COL19A1: variants seen among roughly 807,000 people sequenced by gnomAD.
COL19A1 encodes the protein collagen alpha-1(XIX) chain.
A neutral mutation model predicts 190.2 loss-of-function variants in COL19A1; 159 were observed. The observed-to-expected ratio is 0.84, with a 90% CI of 0.73 to 0.95. The LOEUF (loss-of-function observed/expected upper bound fraction) is 0.95. Ranked by LOEUF, COL19A1 falls within the 40% of genes least tolerant of loss-of-function variation. COL19A1 has a pLI of 0.00. For missense variants in COL19A1, 1,418 were observed against 1,431.9 expected (o/e 0.99, Z 0.16); for synonymous variants, 509 against 458.9 (o/e 1.11, Z -1.39).
chr6:69,920,867 A>G (rs1246039339), intron 4 of COL19A1, among the ~76,000 whole-genome samples: 1 of 148,236 alleles, frequency 6.7e-6, no homozygotes, highest in Non-Finnish European at 1.5e-5. Flanking sequence ...GAGGGAAGGC[A>G]GGAAACATCC....
chr6:69,916,879 G>A (rs1192055126), intron 4 of COL19A1, among the ~76,000 whole-genome samples: 1 of 152,176 alleles, frequency 6.6e-6, no homozygotes, highest in Non-Finnish European at 1.5e-5. Context: ...TACATTGGAA[G>A]AAACTAACCT....
At chr6:69,977,975 A>G (rs1000715855) in intron 11 of COL19A1, among the ~76,000 whole-genome samples, 1 of 152,186 alleles carries the variant, frequency 6.6e-6, no homozygotes, top group Non-Finnish European at 1.5e-5. Context: ...AAATTTCAAT[A>G]ATTTACTAGC....
chr6:69,948,272 A>G (rs897090463), intron 9 of COL19A1, among the ~76,000 whole-genome samples: 1 of 151,884 alleles, frequency 6.6e-6, no homozygotes, highest in Admixed American at 6.6e-5. Context: ...TTATTGTGGG[A>G]TGTAACGTGA....
rs781478654 is a variant in COL19A1 at position 70,068,429 on chromosome 6, C to T, written c.1177C>T (p.Leu393=). ...TGTCTCTTTTTCCTCATAGGGTTCC[C>T]TGGGGATACAAGGCCCCCAAGGTCC... is the stretch of plus-strand genomic sequence containing the variant. ...PPGPPALPGS[L]GIQGPQGPPG... Residue 393 remains leucine (L), a synonymous_variant, in exon 15 of 51, where the codon CTG becomes TTG. Coordinates refer to ENST00000620364, the MANE Select transcript of COL19A1 (RefSeq NM_001858.6). 6.3e-6 allele frequency: 10 copies of T among 1,595,140 alleles called. No homozygotes were observed. Among genetic ancestry groups the T allele is most frequent in the African/African-American group, 1.3e-5 (1 of 74,374 alleles).
At chr6:69,934,106 A>ATAGCTTAAAGCATAGCTTTAG in intron 7 of COL19A1, among the ~76,000 whole-genome samples, 1 of 152,024 alleles carries the variant, frequency 6.6e-6, no homozygotes, top group African/African-American at 2.4e-5. Flanking sequence ...TGACCAAAGC[A>ATAGCTTAAAGCATAGCTTTAG]TAGCTTAAAG....
At chr6:70,116,862 T>C (rs1461549387) in intron 16 of COL19A1, among the ~76,000 whole-genome samples, 1 of 152,196 alleles carries the variant, frequency 6.6e-6, no homozygotes, top group Admixed American at 6.5e-5. Context: ...TCAAAGATTG[T>C]TCTTGAATTT....
chr6:70,133,659 C>T (rs1785657873), intron 18 of COL19A1, among the ~76,000 whole-genome samples: 2 of 152,198 alleles, frequency 1.3e-5, no homozygotes, highest in South Asian at 4.1e-4. Flanking sequence ...GTCACTACAG[C>T]ACCAAGCTAA....
rs182684001 is a variant in COL19A1, at chr6:69,974,906, G to A, written c.1026+12036G>A. Among the ~76,000 whole-genome samples, 1,215 of 139,248 alleles carry A rather than the reference G, an allele frequency of 8.7e-3. 14 individuals are homozygous for A. Among genetic ancestry groups the A allele is most frequent in the African/African-American group, 0.031 (1,126 of 36,790 alleles). The allele number at this position is 139,248 out of a possible 152,430, so 91.4% of individuals were successfully genotyped here. A position where few individuals can be genotyped will look rare whatever the true frequency, so the allele number is the denominator to read the frequency against. Reference sequence around the variant, plus strand: ...AGGCTCACTGCAAGCTCCACCTCCCGAGTTCGCGCCATTTTCCTGCCTCAG... The same window carrying A: ...AGGCTCACTGCAAGCTCCACCTCCCAAGTTCGCGCCATTTTCCTGCCTCAG... On this transcript the variant is annotated intron_variant, in intron 11 of 50. Coordinates refer to ENST00000620364, the MANE Select transcript of COL19A1 (RefSeq NM_001858.6).
intron 4 of COL19A1, among the ~76,000 whole-genome samples, chr6:69,906,957 C>T (rs924092870): frequency 7.2e-5 from 11 of 151,962 alleles, no homozygotes; most frequent in Admixed American, 7.2e-4. Flanking sequence ...TTTAACAGTT[C>T]CCTTGAAAAT....
intron 2 of COL19A1, among the ~76,000 whole-genome samples, chr6:69,883,559 A>G (rs920800675): frequency 3.3e-5 from 5 of 152,256 alleles, no homozygotes; most frequent in African/African-American, 9.6e-5. Flanking sequence ...AAGTTAAAAT[A>G]TAAGTTATAA....
chr6:69,892,325 G>C (rs1388482166), intron 2 of COL19A1, among the ~76,000 whole-genome samples: 2 of 152,074 alleles, frequency 1.3e-5, no homozygotes, highest in Non-Finnish European at 2.9e-5. Context: ...GAACAAGCAG[G>C]GTTAGCCTAA....
intron 12 of COL19A1, 119 bp from the exon 13 acceptor site, chr6:70,034,126 A>G: frequency 1.4e-6 from 1 of 732,978 alleles, no homozygotes; most frequent in Admixed American, 2.1e-5. Context: ...TTCTCTCTAT[A>G]CTACAAAAGG....
At chr6:70,137,832 G>A (rs1391931808) in intron 19 of COL19A1, 85 bp downstream of exon 19, 10 of 1,322,972 alleles carry the variant, frequency 7.6e-6, no homozygotes, top group Non-Finnish European at 8.6e-6. Flanking sequence ...CCAATTCCAC[G>A]TGCCTTGGTT....
chr6:70,192,045 T>C (rs1241040301), intron 48 of COL19A1, among the ~76,000 whole-genome samples: 1 of 137,394 alleles, frequency 7.3e-6, no homozygotes. Context: ...AAAAATGGGG[T>C]TTTTTGTTGT....
intron 9 of COL19A1, among the ~76,000 whole-genome samples, chr6:69,943,498 G>A (rs1773601472): frequency 6.6e-6 from 1 of 152,060 alleles, no homozygotes; most frequent in Non-Finnish European, 1.5e-5. Context: ...ATGTACCAAA[G>A]CATTTTCCAT....
chr6:70,173,619 G>T (rs186923214), intron 41 of COL19A1, among the ~76,000 whole-genome samples: 2 of 152,294 alleles, frequency 1.3e-5, no homozygotes, highest in Admixed American at 1.3e-4. Flanking sequence ...AGAGGTCATG[G>T]ATGACCTTGA....
intron 9 of COL19A1, among the ~76,000 whole-genome samples, chr6:69,946,309 T>C (rs995774232): frequency 6.6e-6 from 1 of 152,050 alleles, no homozygotes; most frequent in Non-Finnish European, 1.5e-5. Flanking sequence ...TTTTAAAAAT[T>C]ATGAACATAT....
chr6:70,075,417 A>G (rs16868518), intron 15 of COL19A1, among the ~76,000 whole-genome samples: 2,053 of 152,326 alleles, frequency 0.013, 36 homozygotes, highest in South Asian at 0.048. Context: ...GCAATGTAGT[A>G]AGACAGGAAA....
intron 14 of COL19A1, among the ~76,000 whole-genome samples, chr6:70,039,267 T>C (rs2150121374): frequency 6.6e-6 from 1 of 152,328 alleles, no homozygotes; most frequent in East Asian, 1.9e-4. Flanking sequence ...GCATGTCTAA[T>C]ACTTTTCTTT....
Sources: allele counts gnomAD v4.1 joint callset (sites outside exome capture counted in the v4.1 genomes callset), GRCh38; gene constraint gnomAD v4.1.1; transcripts MANE v1.5; gene names NCBI Gene and HGNC (gene_info 2026-07-23, HGNC 2026-07-21).